UNC5D: variants seen among roughly 807,000 people sequenced by gnomAD.
UNC5D encodes the protein netrin receptor UNC5D.
Under a neutral mutation model 105.4 loss-of-function variants are expected in UNC5D, and 39 were observed. The observed-to-expected ratio is 0.37, with a 90% CI of 0.29 to 0.48. UNC5D has a LOEUF of 0.48. UNC5D is among the 20% of genes least tolerant of loss of function. The probability of loss-of-function intolerance (pLI) is 0.98; values close to 1 mark genes in which losing one functional copy is unlikely to be tolerated. For missense variants in UNC5D, 991 were observed against 1,202.4 expected (o/e 0.82, Z 2.60); for synonymous variants, 452 against 450.4 (o/e 1.00, Z -0.04).
At chr8:35,601,163 C>A (rs1009644525) in intron 4 of UNC5D, among the ~76,000 whole-genome samples, 1 of 152,100 alleles carries the variant, frequency 6.6e-6, no homozygotes, top group Non-Finnish European at 1.5e-5. Context: ...TTCTATATCT[C>A]GGTTTTGGTA....
At chr8:35,251,620 A>C (rs1803699401) in intron 1 of UNC5D, among the ~76,000 whole-genome samples, 1 of 152,216 alleles carries the variant, frequency 6.6e-6, no homozygotes, top group Non-Finnish European at 1.5e-5. Context: ...GAAAGATTAT[A>C]CAGTATGGAA....
At chr8:35,355,412 T>C (rs993723674) in intron 1 of UNC5D, among the ~76,000 whole-genome samples, 3 of 152,168 alleles carry the variant, frequency 2.0e-5, no homozygotes, top group African/African-American at 7.2e-5. Flanking sequence ...GAATATCCAA[T>C]GCAGCTTCTG....
At chr8:35,641,293 C>T (rs541886380) in intron 4 of UNC5D, among the ~76,000 whole-genome samples, 10 of 144,528 alleles carry the variant, frequency 6.9e-5, no homozygotes, top group South Asian at 6.6e-4. Context: ...CATTCAATCT[C>T]GTTTCAATTT....
chr8:35,332,156 A>AT (rs1338022585), intron 1 of UNC5D, among the ~76,000 whole-genome samples: 1 of 152,224 alleles, frequency 6.6e-6, no homozygotes, highest in East Asian at 1.9e-4. Flanking sequence ...TCAGGCATAA[A>AT]CATGCTAAAA....
chr8:35,260,223 A>G lies in UNC5D; in HGVS notation c.103+24336A>G, dbSNP rs1804386027. 3.9e-5 allele frequency among the ~76,000 whole-genome samples: 6 copies of G among 152,266 alleles called. No homozygotes were observed. The South Asian group carries it at 1.2e-3, about 32-fold the overall frequency. Reference sequence around the variant, plus strand: ...GTGAGAAACAAATAACTTAGCCACCAGCCAGCCCCATTACCTCAGCCTTGT... The same window carrying G: ...GTGAGAAACAAATAACTTAGCCACCGGCCAGCCCCATTACCTCAGCCTTGT... On this transcript the variant is annotated intron_variant, in intron 1 of 16. Transcript: ENST00000404895.
chr8:35,573,140 A>G (rs1246887382), intron 3 of UNC5D, among the ~76,000 whole-genome samples: 2 of 152,208 alleles, frequency 1.3e-5, no homozygotes, highest in East Asian at 3.8e-4. Flanking sequence ...GGATACCTAC[A>G]GATGCTGCCA....
At chr8:35,652,173 G>A (rs1451390654) in intron 4 of UNC5D, among the ~76,000 whole-genome samples, 2 of 151,936 alleles carry the variant, frequency 1.3e-5, no homozygotes, top group South Asian at 2.1e-4. Flanking sequence ...TCAAATTTCC[G>A]ACTTTTTGAG....
At chr8:35,769,855 C>T (rs766972395) in intron 15 of UNC5D, among the ~76,000 whole-genome samples, 4 of 151,978 alleles carry the variant, frequency 2.6e-5, no homozygotes, top group African/African-American at 7.2e-5. Context: ...CCCAGCTACT[C>T]GGGAGGCTGA....
intron 1 of UNC5D, among the ~76,000 whole-genome samples, chr8:35,361,086 A>G (rs773478239): frequency 6.6e-6 from 1 of 152,140 alleles, no homozygotes; most frequent in Non-Finnish European, 1.5e-5. Context: ...CATGCTTGCC[A>G]GGATTGTGAT....
Position 35,552,077 on chromosome 8 carries a change from C to G in UNC5D, c.322+2567C>G, listed in dbSNP as rs79056172. On this transcript the variant is annotated intron_variant, in intron 2 of 16. Coordinates refer to ENST00000404895, the MANE Select transcript of UNC5D (RefSeq NM_080872.4). Reference sequence around the variant, plus strand: ...AAACACCTAAAACTCTATAATAATTCCCTATTCATTTCAAATTGGAATTAG... The same window carrying G: ...AAACACCTAAAACTCTATAATAATTGCCTATTCATTTCAAATTGGAATTAG... Among the ~76,000 whole-genome samples, 595 of 152,138 alleles carry G rather than the reference C, an allele frequency of 3.9e-3. 4 individuals carry two copies. Among genetic ancestry groups the G allele is most frequent in the African/African-American group, 0.013 (560 of 41,506 alleles).
chr8:35,470,480 G>A (rs990026023), intron 1 of UNC5D, among the ~76,000 whole-genome samples: 1 of 151,712 alleles, frequency 6.6e-6, no homozygotes. Context: ...CATAGGCCAG[G>A]TGTGCTGACT....
In UNC5D at chr8:35,235,477, G is replaced by T. The variant is rs1420541585; in HGVS notation, c.-308G>T. The T allele has an allele frequency of 3.8e-6, 1 of 264,228 alleles. No individual in the cohort carries two copies. Among genetic ancestry groups the T allele is most frequent in the East Asian group, 6.9e-5 (1 of 14,576 alleles). 16.4% of individuals were successfully genotyped at this position (264,228 alleles called of 1,614,324 possible). ...CGATGCGGACTCTCGCCTCCGCTCC[G>T]TAGTTCGGGGCCCGGCAGCGGCGCG... On this transcript the variant is annotated 5_prime_UTR_variant, in exon 1 of 17. Transcript: ENST00000404895.
intron 1 of UNC5D, among the ~76,000 whole-genome samples, chr8:35,493,202 C>T (rs367724177): frequency 6.9e-6 from 1 of 145,944 alleles, no homozygotes; most frequent in Non-Finnish European, 1.5e-5. Flanking sequence ...TCTCTGTACC[C>T]CAACAACAAT....
chr8:35,290,264 G>T lies in UNC5D; in HGVS notation c.103+54377G>T, dbSNP rs150420939. 8.8e-3 allele frequency among the ~76,000 whole-genome samples: 1,339 copies of T among 152,242 alleles called. 8 individuals carry two copies. The highest frequency in any genetic ancestry group is 0.013 in the Non-Finnish European group (887 of 68,030). On this transcript the variant is annotated intron_variant, in intron 1 of 16. Transcript: ENST00000404895. ...GCAACCTAAGCATCCATCAGTGGAT[G>T]AATGGATAAAGAAAAGATGGTGTAT...
Position 35,698,228 on chromosome 8 carries a change from C to T in UNC5D, c.1085-7701C>T, listed in dbSNP as rs957675857. ...GCTAATTAGCATATCCATCACCTCA[C>T]ATAGCTCCTTTTTTTTTTTTTTTTA... On this transcript the variant is annotated intron_variant, in intron 7 of 16. Coordinates refer to ENST00000404895, the MANE Select transcript of UNC5D (RefSeq NM_080872.4). 1.1e-4 allele frequency among the ~76,000 whole-genome samples: 17 copies of T among 149,632 alleles called. 1 individual carries two copies. The highest frequency in any genetic ancestry group is 3.9e-4 in the African/African-American group (16 of 40,566).
intron 8 of UNC5D, among the ~76,000 whole-genome samples, chr8:35,719,048 G>A (rs971924202): frequency 6.6e-6 from 1 of 152,006 alleles, no homozygotes; most frequent in Non-Finnish European, 1.5e-5. Flanking sequence ...GGAATGAGGG[G>A]CGGAGGCTTC....
At chr8:35,779,734 G>T (rs1354548384) in intron 16 of UNC5D, among the ~76,000 whole-genome samples, 1 of 152,170 alleles carries the variant, frequency 6.6e-6, no homozygotes, top group Non-Finnish European at 1.5e-5. Flanking sequence ...GAGATTACAG[G>T]CGTGTGCCAC....
chr8:35,707,244 T>A (rs1353777565), intron 8 of UNC5D, among the ~76,000 whole-genome samples: 7 of 152,204 alleles, frequency 4.6e-5, no homozygotes, highest in Non-Finnish European at 7.3e-5. Context: ...TCTGTTCCTA[T>A]TTCCTTATGT....
At chr8:35,660,423 T>C (rs1479138560) in intron 4 of UNC5D, among the ~76,000 whole-genome samples, 1 of 152,204 alleles carries the variant, frequency 6.6e-6, no homozygotes, top group African/African-American at 2.4e-5. Flanking sequence ...GACTTCATGG[T>C]ATTTAATGTT....
Sources: allele counts gnomAD v4.1 joint callset (sites outside exome capture counted in the v4.1 genomes callset), GRCh38; gene constraint gnomAD v4.1.1; transcripts MANE v1.5; gene names NCBI Gene and HGNC (gene_info 2026-07-23, HGNC 2026-07-21).